The following POLN variants were observed in gnomAD, a reference collection of about 807,000 sequenced individuals.
POLN encodes the protein DNA polymerase N.
POLN carries 108 observed loss-of-function variants against 113.5 expected under a neutral mutation model. The observed-to-expected ratio is 0.95, with a 90% CI of 0.81 to 1.12. The LOEUF (loss-of-function observed/expected upper bound fraction) is 1.12, where lower values mean the gene tolerates loss of function less well. Ranked by LOEUF, POLN falls within the 50% of genes most tolerant of loss-of-function variation. The pLI, the probability that POLN is intolerant of heterozygous loss-of-function variation, is 0.00. For missense variants in POLN, 1,097 were observed against 1,077.1 expected (o/e 1.02, Z -0.26); for synonymous variants, 386 against 391.5 (o/e 0.99, Z 0.17).
At chr4:2,169,710 C>G (rs1732813780) in intron 13 of POLN, among the ~76,000 whole-genome samples, 1 of 152,218 alleles carries the variant, frequency 6.6e-6, no homozygotes, top group Admixed American at 6.5e-5. Context: ...CCATGCTGGC[C>G]AGTGATGGCT....
chr4:2,194,638 G>C (rs1469588653), intron 6 of POLN, among the ~76,000 whole-genome samples: 1 of 152,038 alleles, frequency 6.6e-6, no homozygotes, highest in African/African-American at 2.4e-5. Flanking sequence ...TCTGTGATGA[G>C]GTAATCTACC....
At position 2,150,974 on chromosome 4, in the gene POLN, A is replaced by G. The variant is rs149435248; in HGVS notation, c.1731+5814T>C. ...CCATGTAAGAACTCATTGATAAATC[A>G]GAATTCATTAAAACTTAAAACTTCT... On this transcript the variant is annotated intron_variant, in intron 16 of 25. Transcript: ENST00000511885. Among the ~76,000 whole-genome samples the G allele has an allele frequency of 1.4e-3, 207 of 152,378 alleles. 1 individual carries two copies. Among genetic ancestry groups the G allele is most frequent in the African/African-American group, 4.6e-3 (190 of 41,594 alleles).
At position 2,095,931 on chromosome 4, in the gene POLN, T is replaced by G. The variant is rs916410242; in HGVS notation, c.1985A>C (p.Lys662Thr). Residue 662 changes from lysine to threonine, a missense_variant and splice_region_variant, in exon 20 of 26, where the codon AAG becomes ACG. By Grantham distance (78) the Lys-to-Thr change is moderately conservative. Coordinates refer to ENST00000511885, the MANE Select transcript of POLN (RefSeq NM_181808.4). ...DVFSTLTSQW[K>T]DVPVEQVTHA... ...TGTCACCTGTTCCACGGGCACATCC[T>G]TCCTGCATGGAGAGACCATGTGTGA... 6 of 1,613,960 alleles carry G rather than the reference T, an allele frequency of 3.7e-6. No individual in the cohort carries two copies. The highest frequency in any genetic ancestry group is 1.3e-5 in the African/African-American group (1 of 74,924).
chr4:2,183,549 A>G, intron 7 of POLN, among the ~76,000 whole-genome samples: 1 of 152,228 alleles, frequency 6.6e-6, no homozygotes, highest in East Asian at 1.9e-4. Context: ...GGCTAAATGA[A>G]ATAAGCTAGT....
In POLN at chr4:2,128,206, C is replaced by T. The variant is rs148062138; in HGVS notation, c.1889G>A (p.Arg630His). The T allele has an allele frequency of 8.0e-5, 128 of 1,608,264 alleles. No homozygotes were observed. In the African/African-American group the frequency reaches 1.3e-3, roughly 16 times the overall value. The change falls in exon 19 of 26, where the codon CGC (arginine) becomes CAC (histidine). Residue 630 changes from arginine to histidine, a missense_variant. Physicochemically the swap from Arg to His is conservative, Grantham distance 29 (BLOSUM62 0). Coordinates refer to ENST00000511885, the MANE Select transcript of POLN (RefSeq NM_181808.4). ...ATCTCCAGATAAATGTGTAAGAATG[C>T]GCAATTCAATCTGTGAAAAGTCTGT... is the stretch of plus-strand genomic sequence containing the variant. ...LAADFSQIEL[R>H]ILTHLSGDPE...
chr4:2,205,660 G>C (rs1368955225), intron 5 of POLN, among the ~76,000 whole-genome samples: 1 of 152,120 alleles, frequency 6.6e-6, no homozygotes, highest in Admixed American at 6.6e-5. Flanking sequence ...GGATCACAAG[G>C]TCAGGAGTTC....
intron 23 of POLN, chr4:2,078,929 A>G (rs974923345): frequency 3.0e-6 from 3 of 985,000 alleles, no homozygotes; most frequent in South Asian, 4.7e-5. Context: ...CTGAAAGTGA[A>G]CCGATTTTTT....
chr4:2,092,701 C>T (rs1730697327), intron 20 of POLN, among the ~76,000 whole-genome samples: 1 of 152,212 alleles, frequency 6.6e-6, no homozygotes, highest in Non-Finnish European at 1.5e-5. Flanking sequence ...ATGCCTTGCC[C>T]CATGCCCTCA....
In POLN at chr4:2,236,657, G is replaced by A. The variant is rs563008632; in HGVS notation, c.-13+4863C>T. ...GCAGATTGCCTGAGCTCAGGAGTTC[G>A]AGACCAGCCTGGGCAACATGGTGAA... On this transcript the variant is annotated intron_variant, in intron 2 of 25. Transcript: ENST00000511885. Among the ~76,000 whole-genome samples the A allele has an allele frequency of 1.1e-4, 17 of 151,842 alleles. No homozygotes were observed. In the East Asian group the frequency reaches 2.9e-3, roughly 26 times the overall value.
In POLN at chr4:2,127,622, C is replaced by T. The variant is rs1381325244; in HGVS notation, c.1982+491G>A. Among the ~76,000 whole-genome samples the T allele has an allele frequency of 6.6e-6, 1 of 152,270 alleles. No homozygotes were observed. The highest frequency in any genetic ancestry group is 2.4e-5 in the African/African-American group (1 of 41,558). On this transcript the variant is annotated intron_variant, in intron 19 of 25. Transcript: ENST00000511885. The surrounding 1 kb of genome is among the most constrained non-coding windows in gnomAD (Gnocchi z 4.7). ...ATGATGAAAAAGGACGGGCCTGGGACGACACTGCCAAGCTGCCCAACAAAA... is the reference window on the plus strand; with the variant it reads ...ATGATGAAAAAGGACGGGCCTGGGATGACACTGCCAAGCTGCCCAACAAAA...
At chr4:2,219,770 T>G (rs1329909686) in intron 3 of POLN, among the ~76,000 whole-genome samples, 1 of 152,194 alleles carries the variant, frequency 6.6e-6, no homozygotes, top group African/African-American at 2.4e-5. Context: ...TCTTTTACCA[T>G]CTGCCCTGGC....
chr4:2,091,419 C>T (rs569669225), intron 20 of POLN, among the ~76,000 whole-genome samples: 2 of 152,224 alleles, frequency 1.3e-5, no homozygotes, highest in South Asian at 4.1e-4. Flanking sequence ...GAGATGGAGC[C>T]TGAGGGTCTG....
At chr4:2,129,656 C>T (rs1188966561) in intron 17 of POLN, among the ~76,000 whole-genome samples, 3 of 152,168 alleles carry the variant, frequency 2.0e-5, no homozygotes, top group Non-Finnish European at 4.4e-5. Context: ...TCTCAAAGTG[C>T]TAAGATTACA....
intron 19 of POLN, among the ~76,000 whole-genome samples, chr4:2,115,207 G>A (rs904447583): frequency 1.6e-4 from 16 of 100,032 alleles, no homozygotes; most frequent in African/African-American, 5.7e-4. Flanking sequence ...CACCACCACA[G>A]CTATATATAT....
At chr4:2,221,807 T>G (rs1337077280) in intron 3 of POLN, among the ~76,000 whole-genome samples, 1 of 152,100 alleles carries the variant, frequency 6.6e-6, no homozygotes, top group Non-Finnish European at 1.5e-5. Flanking sequence ...ACTCCTGACC[T>G]CAAGGGATCC....
rs1446058803 is a variant in POLN, at chr4:2,126,984, AC to A, written c.1982+1128del. ...GGCCTAGTGAGGGGCTGAAGGACAG[AC>A]CCCTCACCCGCTTAGGACTCTGCTC... On this transcript the variant is annotated intron_variant, in intron 19 of 25. Coordinates refer to ENST00000511885, the MANE Select transcript of POLN (RefSeq NM_181808.4). The surrounding 1 kb of genome is among the most constrained non-coding windows in gnomAD (Gnocchi z 4.6). 1.3e-5 allele frequency among the ~76,000 whole-genome samples: 2 copies of A among 151,534 alleles called. No homozygotes were observed. The highest frequency in any genetic ancestry group is 2.9e-5 in the Non-Finnish European group (2 of 67,852).
intron 16 of POLN, among the ~76,000 whole-genome samples, chr4:2,143,733 A>C (rs1732063003): frequency 6.6e-6 from 1 of 152,234 alleles, no homozygotes; most frequent in Non-Finnish European, 1.5e-5. Flanking sequence ...AGATGAAGAC[A>C]GATTAATATC....
At chr4:2,094,660 G>C (rs1011421466) in intron 20 of POLN, among the ~76,000 whole-genome samples, 4 of 152,184 alleles carry the variant, frequency 2.6e-5, no homozygotes, top group African/African-American at 9.7e-5. Context: ...GGTGGTACAG[G>C]GGCAGGTGTT....
chr4:2,090,412 G>T, intron 20 of POLN: 1 of 614,618 alleles, frequency 1.6e-6, no homozygotes, highest in South Asian at 2.3e-5. Flanking sequence ...CTGATGGTTC[G>T]AAACATAATT....
Sources: gnomAD v4.1 joint callset for allele counts (sites outside exome capture counted in the v4.1 genomes callset) on GRCh38, gnomAD v4.1.1 for gene constraint, Gnocchi (gnomAD v3.1) non-coding constraint, MANE v1.5 for transcripts, NCBI Gene and HGNC (gene_info 2026-07-23, HGNC 2026-07-21) for gene names.